Variants in JPT2 observed in about 807,000 individuals in gnomAD.
JPT2 encodes the protein Jupiter microtubule associated homolog 2, also known as CRAMP_1 like.
In JPT2, 9 loss-of-function variants were observed where a neutral mutation model predicts 15.9. That is an observed-to-expected ratio of 0.57 (90% confidence interval 0.34 to 0.99). The LOEUF is 0.99. JPT2 is among the 50% of genes least tolerant of loss of function. The pLI is 0.02. For synonymous variants in JPT2, 95 were observed against 91.7 expected (o/e 1.04, Z -0.21); for missense variants, 267 against 252.1 (o/e 1.06, Z -0.40).
intron 1 of JPT2, among the ~76,000 whole-genome samples, chr16:1,684,471 T>C (rs749512963): frequency 6.6e-6 from 1 of 152,218 alleles, no homozygotes; most frequent in East Asian, 1.9e-4. Flanking sequence ...CCAGGTGCGA[T>C]GGCCCACACC....
downstream of JPT2, chr16:1,702,295 C>G: frequency 2.5e-6 from 1 of 403,086 alleles, no homozygotes; most frequent in Non-Finnish European, 5.1e-6. Flanking sequence ...ACCGTCTTCA[C>G]TTGTTCATCC....
chr16:1,691,900 T>C lies in JPT2; in HGVS notation c.251T>C (p.Leu84Pro). Residue 84 changes from leucine to proline, a missense_variant, in exon 3 of 5, where the codon CTG becomes CCG. Transcript: ENST00000248098. ...ESTPVQTRQH[L>P]NPPGGKTSDI... ...ACCCCCGTGCAGACTCGACAGCACC[T>C]GAACCCACCTGGAGGGAAGACCAGC... 1 of 1,614,158 alleles carries C rather than the reference T, an allele frequency of 6.2e-7. No individual in the cohort carries two copies. Among genetic ancestry groups the C allele is most frequent in the South Asian group, 1.1e-5 (1 of 91,080 alleles).
chr16:1,691,865 T>C lies in JPT2; in HGVS notation c.216T>C (p.Phe72=). Residue 72 remains phenylalanine, a synonymous_variant, in exon 3 of 5, where the codon TTT becomes TTC. Transcript: ENST00000248098. The stretch of plus-strand genomic sequence containing the variant: ...CAGGGGGTAAAGGAAGTGGTATCTT[T>C]GACGAATCAACCCCCGTGCAGACTC... The part of the protein sequence containing the change: ...NPPGGKGSGI[F]DESTPVQTRQ... 6.8e-6 allele frequency: 11 copies of C among 1,614,002 alleles called. No individual in the cohort carries two copies. The highest frequency in any genetic ancestry group is 1.3e-5 in the African/African-American group (1 of 75,034).
At chr16:1,692,213 G>A in intron 3 of JPT2, 2 of 590,168 alleles carry the variant, frequency 3.4e-6, no homozygotes, top group Non-Finnish European at 5.8e-6. Context: ...TTCTGTGCTG[G>A]TGGCGGACGC....
At chr16:1,683,549 C>G (rs543717932) in intron 1 of JPT2, 41 of 1,535,518 alleles carry the variant, frequency 2.7e-5, no homozygotes, top group Non-Finnish European at 3.5e-5. Context: ...ATCCACCTCC[C>G]CCAGCCTCCT....
chr16:1,678,642 C>T (rs1189419462), intron 1 of JPT2, among the ~76,000 whole-genome samples: 1 of 152,140 alleles, frequency 6.6e-6, no homozygotes. Flanking sequence ...GTGTGGAGGG[C>T]GGGCTGCGCT....
At chr16:1,691,809 C>T (rs1218474435) in intron 2 of JPT2, 34 bp from the exon 3 acceptor site, 11 of 1,600,008 alleles carry the variant, frequency 6.9e-6, no homozygotes, top group Non-Finnish European at 8.5e-6. Flanking sequence ...CGGTGGACGT[C>T]TGGTTGCTCA....
chr16:1,683,405 C>T lies in JPT2; in HGVS notation c.45-2034C>T, dbSNP rs1018206278. ...GGATTACAGGTGCCAGGTACTGCTC[C>T]CGGACAGCCCTTTCTCATTTAAGCT... On this transcript the variant is annotated intron_variant, in intron 1 of 4. Transcript: ENST00000248098. 8 of 733,114 alleles carry T rather than the reference C, an allele frequency of 1.1e-5. No individual in the cohort carries two copies. In the African/African-American group the frequency reaches 1.4e-4, roughly 13 times the overall value. 45.4% of individuals were successfully genotyped at this position (733,114 alleles called of 1,614,324 possible). A position where few individuals can be genotyped will look rare whatever the true frequency, so the allele number is the denominator to read the frequency against.
Position 1,699,141 on chromosome 16 carries a change from C to CA in JPT2, c.*144dup. ...TGGCTGCTCAGCGTCTCCTGGCCGT[C>CA]ATGACAGCTGCTTGGAGACCCGTGC... On this transcript the variant is annotated 3_prime_UTR_variant, in exon 5 of 5. Coordinates refer to ENST00000248098, the MANE Select transcript of JPT2 (RefSeq NM_144570.3). The CA allele has an allele frequency of 1.2e-6, 1 of 864,560 alleles. No individual in the cohort carries two copies. The highest frequency in any genetic ancestry group is 2.1e-4 in the Middle Eastern group (1 of 4,676). The allele number at this position is 864,560 out of a possible 1,614,324, so 53.6% of individuals were successfully genotyped here.
intron 2 of JPT2, among the ~76,000 whole-genome samples, chr16:1,687,454 A>G (rs112014493): frequency 3.0e-4 from 45 of 152,148 alleles, no homozygotes; most frequent in African/African-American, 1.1e-3. Context: ...GCAGAATAAT[A>G]TATCGCATGC....
chr16:1,678,376 G>A lies in JPT2; in HGVS notation c.44+20G>A, dbSNP rs1213610046. The A allele has an allele frequency of 1.6e-6, 2 of 1,229,312 alleles. No individual in the cohort carries two copies. Among genetic ancestry groups the A allele is most frequent in the East Asian group, 6.4e-5 (2 of 31,424 alleles). 76.2% of individuals were successfully genotyped at this position (1,229,312 alleles called of 1,614,324 possible). On this transcript the variant is annotated intron_variant, in intron 1 of 4. Coordinates refer to ENST00000248098, the MANE Select transcript of JPT2 (RefSeq NM_144570.3). ...CTCCAGGTGCGGCGCGGGGCACACG[G>A]GAGGCGGGCGGATAGCGCGACCACG...
At chr16:1,697,617 C>T (rs1476969443) in intron 3 of JPT2, among the ~76,000 whole-genome samples, 195 bp from the exon 4 acceptor site, 1 of 152,022 alleles carries the variant, frequency 6.6e-6, no homozygotes, top group Non-Finnish European at 1.5e-5. Flanking sequence ...AGAGCTACAT[C>T]TTGAAATATG....
In JPT2 at chr16:1,691,930, T is replaced by C; in HGVS notation, c.281T>C (p.Ile94Thr). The stretch of plus-strand genomic sequence containing the variant: ...CCACCTGGAGGGAAGACCAGCGACA[T>C]TTTTGGGTCTCCGGTCACTGCCACT... ...LNPPGGKTSD[I>T]FGSPVTATSR... The change falls in exon 3 of 5, where the codon ATT becomes ACT. Residue 94 changes from isoleucine to threonine, a missense_variant. Physicochemically the swap from Ile to Thr is moderately conservative, Grantham distance 89. Coordinates refer to ENST00000248098, the MANE Select transcript of JPT2 (RefSeq NM_144570.3). 6.2e-7 allele frequency: 1 copy of C among 1,614,136 alleles called. No homozygotes were observed. Among genetic ancestry groups the C allele is most frequent in the East Asian group, 2.2e-5 (1 of 44,872 alleles).
chr16:1,686,382 AAG>A lies in JPT2; in HGVS notation c.193+797_193+798del, dbSNP rs759624634. On this transcript the variant is annotated intron_variant, in intron 2 of 4. Coordinates refer to ENST00000248098, the MANE Select transcript of JPT2 (RefSeq NM_144570.3). Reference sequence around the variant, plus strand: ...AGCGAGACTCCGTCTCAAAAAAAAAAAGAAAAAGAAAAAGAAAAAGGTTTCTC... The same window carrying A: ...AGCGAGACTCCGTCTCAAAAAAAAAAAAAAAGAAAAAGAAAAAGGTTTCTC... 946 of 148,978 alleles carry A rather than the reference AAG, an allele frequency of 6.3e-3. 5 individuals are homozygous for A. Among genetic ancestry groups the A allele is most frequent in the Middle Eastern group, 0.01 (3 of 294 alleles). The allele number at this position is 148,978 out of a possible 1,614,324, so 9.2% of individuals were successfully genotyped here. A position where few individuals can be genotyped will look rare whatever the true frequency, so the allele number is the denominator to read the frequency against.
intron 2 of JPT2, 26 bp from the exon 3 acceptor site, chr16:1,691,817 T>G (rs2037105430): frequency 1.2e-6 from 2 of 1,606,626 alleles, no homozygotes; most frequent in Non-Finnish European, 1.7e-6. Flanking sequence ...GTCTGGTTGC[T>G]CAGTGTTCTG....
At chr16:1,696,185 C>T (rs142784868) in intron 3 of JPT2, among the ~76,000 whole-genome samples, 24 of 151,690 alleles carry the variant, frequency 1.6e-4, no homozygotes, top group Non-Finnish European at 2.1e-4. Context: ...GTTGAGACTG[C>T]GCCATTGCAC....
In JPT2 at chr16:1,683,505, C is replaced by T. The variant is rs1431020586; in HGVS notation, c.45-1934C>T. On this transcript the variant is annotated intron_variant, in intron 1 of 4. Transcript: ENST00000248098. Reference sequence around the variant, plus strand: ...TTTTTTTTCTCCCTCCTCAAATCCTCCAGGAAATGGCAACTGCTGACAGGA... The same window carrying T: ...TTTTTTTTCTCCCTCCTCAAATCCTTCAGGAAATGGCAACTGCTGACAGGA... The T allele has an allele frequency of 3.2e-5, 49 of 1,531,428 alleles. 1 individual carries two copies. Among genetic ancestry groups the T allele is most frequent in the Admixed American group, 3.9e-5 (2 of 50,674 alleles). The allele number at this position is 1,531,428 out of a possible 1,614,324, so 94.9% of individuals were successfully genotyped here. A position where few individuals can be genotyped will look rare whatever the true frequency, so the allele number is the denominator to read the frequency against.
At chr16:1,683,551 C>G in intron 1 of JPT2, 1 of 1,535,652 alleles carries the variant, frequency 6.5e-7, no homozygotes, top group Non-Finnish European at 8.7e-7. Flanking sequence ...CCACCTCCCC[C>G]AGCCTCCTGA....
Position 1,699,142 on chromosome 16 carries a change from A to G in JPT2, c.*144A>G, listed in dbSNP as rs536712790. 173 of 860,868 alleles carry G rather than the reference A, an allele frequency of 2.0e-4. No individual in the cohort carries two copies. In the African/African-American group the frequency reaches 2.7e-3, roughly 13 times the overall value. 53.3% of individuals were successfully genotyped at this position (860,868 alleles called of 1,614,324 possible). A position where few individuals can be genotyped will look rare whatever the true frequency, so the allele number is the denominator to read the frequency against. ...GGCTGCTCAGCGTCTCCTGGCCGTC[A>G]TGACAGCTGCTTGGAGACCCGTGCC... On this transcript the variant is annotated 3_prime_UTR_variant, in exon 5 of 5. Transcript: ENST00000248098.
Sources: allele counts gnomAD v4.1 joint callset (sites outside exome capture counted in the v4.1 genomes callset), GRCh38; gene constraint gnomAD v4.1.1; transcripts MANE v1.5; gene names NCBI Gene and HGNC (gene_info 2026-07-23, HGNC 2026-07-21).